Variants in KCNMA1 observed in about 807,000 individuals in gnomAD.
The protein encoded by KCNMA1 is potassium calcium-activated channel subfamily M alpha 1.
In KCNMA1, 29 loss-of-function variants were observed where a neutral mutation model predicts 140.0. The observed-to-expected ratio is 0.21, with a 90% CI of 0.15 to 0.28. The LOEUF (loss-of-function observed/expected upper bound fraction) is 0.28. KCNMA1 is among the 10% of genes least tolerant of loss of function. The probability of loss-of-function intolerance (pLI) is 1.00; values close to 1 mark genes in which losing one functional copy is unlikely to be tolerated. For missense variants in KCNMA1, 880 were observed against 1,602.2 expected (o/e 0.55, Z 7.70); for synonymous variants, 612 against 611.9 (o/e 1.00, Z 0.00).
intron 14 of KCNMA1, among the ~76,000 whole-genome samples, chr10:77,068,053 G>A (rs2096025476): frequency 6.6e-6 from 1 of 152,158 alleles, no homozygotes; most frequent in Non-Finnish European, 1.5e-5. Flanking sequence ...GGGCAAACCT[G>A]GAACCAGTTT....
At chr10:77,013,365 C>T (rs1301111740) in intron 17 of KCNMA1, among the ~76,000 whole-genome samples, 1 of 152,074 alleles carries the variant, frequency 6.6e-6, no homozygotes, top group Non-Finnish European at 1.5e-5. Context: ...CCAATGCTTG[C>T]TCTATCCTAG....
At chr10:77,381,226 T>C (rs1441147828) in intron 2 of KCNMA1, among the ~76,000 whole-genome samples, 5 of 152,240 alleles carry the variant, frequency 3.3e-5, no homozygotes, top group South Asian at 2.1e-4. Flanking sequence ...TGGAGTTAGT[T>C]TGGATTTTAG....
chr10:77,096,982 G>A (rs1195685898), intron 9 of KCNMA1, among the ~76,000 whole-genome samples: 2 of 152,090 alleles, frequency 1.3e-5, no homozygotes, highest in Non-Finnish European at 2.9e-5. Flanking sequence ...CAGGAAGCAG[G>A]GCGTGGGGGG....
At chr10:77,480,017 T>C (rs115226437) in intron 1 of KCNMA1, among the ~76,000 whole-genome samples, 152 of 152,272 alleles carry the variant, frequency 1.0e-3, no homozygotes, top group African/African-American at 3.5e-3. Flanking sequence ...GATTATTGGA[T>C]TGAATAGGTT....
At chr10:77,605,417 T>C (rs1241661916) in intron 1 of KCNMA1, among the ~76,000 whole-genome samples, 1 of 152,044 alleles carries the variant, frequency 6.6e-6, no homozygotes, top group African/African-American at 2.4e-5. Flanking sequence ...CCCTGAGGAG[T>C]AACACAACTA....
At chr10:76,948,078 C>T (rs2064875371) in intron 22 of KCNMA1, among the ~76,000 whole-genome samples, 1 of 152,080 alleles carries the variant, frequency 6.6e-6, no homozygotes, top group South Asian at 2.1e-4. Context: ...TTTCACAGCC[C>T]ACTGCAGCCT....
At position 77,122,023 on chromosome 10, in the gene KCNMA1, C is replaced by T. The variant is rs1353094032; in HGVS notation, c.809-975G>A. Among the ~76,000 whole-genome samples, 3 of 152,224 alleles carry T rather than the reference C, an allele frequency of 2.0e-5. No individual in the cohort carries two copies. The South Asian group carries it at 6.2e-4, about 32-fold the overall frequency. ...GCACCGCCACGTGCCAAAGGCAGTG[C>T]GAAGCCCTCCAGTGCACTGAGTTGA... On this transcript the variant is annotated intron_variant, in intron 5 of 27. Coordinates refer to ENST00000286628, the MANE Select transcript of KCNMA1 (RefSeq NM_001161352.2).
intron 12 of KCNMA1, among the ~76,000 whole-genome samples, chr10:77,081,676 G>A (rs1456083208): frequency 6.6e-6 from 1 of 152,092 alleles, no homozygotes; most frequent in Non-Finnish European, 1.5e-5. Flanking sequence ...GCACTTGAAG[G>A]ATTTCATTTT....
At chr10:77,428,841 T>C (rs1179562878) in intron 1 of KCNMA1, among the ~76,000 whole-genome samples, 1 of 152,194 alleles carries the variant, frequency 6.6e-6, no homozygotes, top group Non-Finnish European at 1.5e-5. Flanking sequence ...GATAGTCTTC[T>C]TGGAATCTGA....
chr10:77,053,928 C>A (rs1324843690), intron 14 of KCNMA1, among the ~76,000 whole-genome samples: 1 of 152,162 alleles, frequency 6.6e-6, no homozygotes. Flanking sequence ...TTCCCCAGGT[C>A]TTACAGCAAA....
chr10:77,577,688 G>T (rs892549076), intron 1 of KCNMA1, among the ~76,000 whole-genome samples: 1 of 152,200 alleles, frequency 6.6e-6, no homozygotes, highest in Non-Finnish European at 1.5e-5. Context: ...TTGTGCAGAT[G>T]GGAAAACTAA....
rs1354658807 is a variant in KCNMA1, at chr10:77,155,526, C to A, written c.808+27895G>T. Among the ~76,000 whole-genome samples, 3 of 152,092 alleles carry A rather than the reference C, an allele frequency of 2.0e-5. No homozygotes were observed. The East Asian group carries it at 5.8e-4, about 29-fold the overall frequency. On this transcript the variant is annotated intron_variant, in intron 5 of 27. Coordinates refer to ENST00000286628, the MANE Select transcript of KCNMA1 (RefSeq NM_001161352.2). ...TAGGCAGTGGAACTCCAGATGTGTG[C>A]TCACCCTGCCCTGTTCTGCCTCCCT...
At chr10:77,595,685 A>T (rs1192772159) in intron 1 of KCNMA1, among the ~76,000 whole-genome samples, 5 of 151,888 alleles carry the variant, frequency 3.3e-5, no homozygotes, top group African/African-American at 1.2e-4. Flanking sequence ...TTGTTTTTTG[A>T]GATGGACTCT....
chr10:77,509,584 T>C (rs1214657814), intron 1 of KCNMA1, among the ~76,000 whole-genome samples: 1 of 152,234 alleles, frequency 6.6e-6, no homozygotes, highest in Non-Finnish European at 1.5e-5. Flanking sequence ...TTTTCCACAG[T>C]GAATGCATCA....
At chr10:77,519,275 A>G (rs941299048) in intron 1 of KCNMA1, among the ~76,000 whole-genome samples, 1 of 152,364 alleles carries the variant, frequency 6.6e-6, no homozygotes, top group Middle Eastern at 3.4e-3. Flanking sequence ...AGGAAAGAGA[A>G]TAACAGCACT....
chr10:77,342,655 G>A (rs1367398311), intron 2 of KCNMA1, among the ~76,000 whole-genome samples: 1 of 152,174 alleles, frequency 6.6e-6, no homozygotes, highest in African/African-American at 2.4e-5. Flanking sequence ...AACATGAAAG[G>A]TGCTATTATC....
chr10:77,173,566 T>A (rs1006717279), intron 5 of KCNMA1, among the ~76,000 whole-genome samples: 2 of 152,182 alleles, frequency 1.3e-5, no homozygotes, highest in South Asian at 2.1e-4. Context: ...TTATTCTAGT[T>A]ATGGAAGCAC....
At chr10:77,483,003 C>T (rs1449278283) in intron 1 of KCNMA1, among the ~76,000 whole-genome samples, 1 of 35,618 alleles carries the variant, frequency 2.8e-5, no homozygotes, top group African/African-American at 8.4e-5. Flanking sequence ...CACACACACA[C>T]ACACACACAC....
intron 1 of KCNMA1, among the ~76,000 whole-genome samples, chr10:77,575,306 AGAG>A (rs1352303931): frequency 2.6e-5 from 4 of 152,206 alleles, no homozygotes; most frequent in South Asian, 2.1e-4. Flanking sequence ...GGGAAGCACA[AGAG>A]GAGGAGAATG....
Sources: allele counts gnomAD v4.1 joint callset (sites outside exome capture counted in the v4.1 genomes callset), GRCh38; gene constraint gnomAD v4.1.1; transcripts MANE v1.5; gene names NCBI Gene and HGNC (gene_info 2026-07-23, HGNC 2026-07-21).